Variants in PLPP4 observed in about 807,000 individuals in gnomAD.
PLPP4 encodes the protein phospholipid phosphatase 4.
PLPP4 carries 20 observed loss-of-function variants against 32.2 expected under a neutral mutation model. That is an observed-to-expected ratio of 0.62 (90% CI 0.44 to 0.90). PLPP4 has a LOEUF of 0.90. Ranked by LOEUF, PLPP4 falls within the 40% of genes least tolerant of loss-of-function variation. The probability of loss-of-function intolerance (pLI) is 0.00; values close to 1 mark genes in which losing one functional copy is unlikely to be tolerated. For synonymous variants in PLPP4, 127 were observed against 133.0 expected, an observed-to-expected ratio of 0.95 and a Z score of 0.31; for missense variants, 257 against 353.1, an observed-to-expected ratio of 0.73 and a Z score of 2.18.
At chr10:120,558,099 T>C (rs1210960320) in intron 5 of PLPP4, among the ~76,000 whole-genome samples, 1 of 151,530 alleles carries the variant, frequency 6.6e-6, no homozygotes, top group African/African-American at 2.4e-5. Context: ...AGAGGTTGAA[T>C]TTAACTATAC....
chr10:120,466,094 C>T (rs1370381455), intron 1 of PLPP4, among the ~76,000 whole-genome samples: 1 of 152,098 alleles, frequency 6.6e-6, no homozygotes, highest in African/African-American at 2.4e-5. Flanking sequence ...GATTTGGCCT[C>T]TCTGTCCAGC....
intron 5 of PLPP4, among the ~76,000 whole-genome samples, chr10:120,546,505 A>G (rs570349830): frequency 1.2e-4 from 18 of 152,154 alleles, no homozygotes; most frequent in Non-Finnish European, 2.4e-4. Context: ...TTCCCAAAGC[A>G]TGCTTGAACC....
At chr10:120,473,306 T>C (rs1365095704) in intron 1 of PLPP4, among the ~76,000 whole-genome samples, 1 of 147,352 alleles carries the variant, frequency 6.8e-6, no homozygotes, top group African/African-American at 2.5e-5. Context: ...ATCTATCTTG[T>C]TTTTTTTTTC....
At chr10:120,460,671 G>C (rs1338748804) in intron 1 of PLPP4, among the ~76,000 whole-genome samples, 5 of 152,192 alleles carry the variant, frequency 3.3e-5, no homozygotes. Context: ...GCAGCTCTGA[G>C]ATCTAAATCT....
chr10:120,484,468 G>C (rs1028323689), intron 1 of PLPP4, among the ~76,000 whole-genome samples: 6 of 152,236 alleles, frequency 3.9e-5, no homozygotes, highest in African/African-American at 1.4e-4. Context: ...TCCCATGGCA[G>C]AAGGTGAGAG....
At chr10:120,477,520 C>T (rs1385006765) in intron 1 of PLPP4, among the ~76,000 whole-genome samples, 3 of 152,194 alleles carry the variant, frequency 2.0e-5, no homozygotes, top group African/African-American at 4.8e-5. Flanking sequence ...AAATCACAAA[C>T]TCTTGCCTCT....
chr10:120,500,824 A>G (rs999842572), intron 1 of PLPP4, among the ~76,000 whole-genome samples: 15 of 152,122 alleles, frequency 9.9e-5, no homozygotes, highest in Non-Finnish European at 1.5e-4. Flanking sequence ...TCTTACAAAC[A>G]AGATCATTGA....
intron 5 of PLPP4, among the ~76,000 whole-genome samples, chr10:120,545,330 T>A (rs914173445): frequency 6.6e-6 from 1 of 152,212 alleles, no homozygotes; most frequent in Non-Finnish European, 1.5e-5. Context: ...TCTTTGTCTT[T>A]CTACTACATC....
intron 5 of PLPP4, among the ~76,000 whole-genome samples, chr10:120,541,617 C>G (rs560796050): frequency 6.6e-6 from 1 of 152,268 alleles, no homozygotes; most frequent in South Asian, 2.1e-4. Flanking sequence ...TGGAGTGGTT[C>G]TCATGTCTCC....
chr10:120,529,825 G>A (rs1424193524), intron 5 of PLPP4, among the ~76,000 whole-genome samples: 1 of 152,176 alleles, frequency 6.6e-6, no homozygotes, highest in East Asian at 1.9e-4. Flanking sequence ...CAGGGATTGT[G>A]GCACACACCT....
At chr10:120,509,695 G>T (rs1845649223) in intron 2 of PLPP4, among the ~76,000 whole-genome samples, 1 of 152,078 alleles carries the variant, frequency 6.6e-6, no homozygotes, top group Non-Finnish European at 1.5e-5. Context: ...GTTTTAGTTT[G>T]GTTATTTGTA....
chr10:120,542,703 A>T (rs1847405290), intron 5 of PLPP4, among the ~76,000 whole-genome samples: 1 of 152,182 alleles, frequency 6.6e-6, no homozygotes, highest in South Asian at 2.1e-4. Context: ...CTACATTCTC[A>T]ATTCCGCAGG....
intron 5 of PLPP4, among the ~76,000 whole-genome samples, 181 bp from the exon 6 acceptor site, chr10:120,574,950 A>G (rs1849144930): frequency 7.2e-6 from 1 of 138,002 alleles, no homozygotes; most frequent in Non-Finnish European, 1.6e-5. Context: ...GATTATTCTT[A>G]TGGTTGAAAG....
chr10:120,536,827 A>G (rs1328873632), intron 5 of PLPP4, among the ~76,000 whole-genome samples: 1 of 152,178 alleles, frequency 6.6e-6, no homozygotes, highest in African/African-American at 2.4e-5. Context: ...CCTCAAAAAT[A>G]TATGAAGAAC....
rs537130952 is a variant in PLPP4, at chr10:120,520,562, T to C, written c.321-409T>C. On this transcript the variant is annotated intron_variant, in intron 4 of 6. Coordinates refer to ENST00000398250, the MANE Select transcript of PLPP4 (RefSeq NM_001030059.3). ...AGTAACTTCTAGTCCACAGATGGCA[T>C]GAAGCCTTCCTTTTCACACCTGTCA... Among the ~76,000 whole-genome samples the C allele has an allele frequency of 1.3e-4, 20 of 152,324 alleles. No individual in the cohort carries two copies. In the South Asian group the frequency reaches 3.9e-3, roughly 30 times the overall value.
At chr10:120,496,565 T>G (rs1341470156) in intron 1 of PLPP4, among the ~76,000 whole-genome samples, 1 of 152,202 alleles carries the variant, frequency 6.6e-6, no homozygotes, top group Admixed American at 6.5e-5. Flanking sequence ...TGTGTTCTGA[T>G]GCGTACAAGC....
intron 5 of PLPP4, among the ~76,000 whole-genome samples, chr10:120,528,987 T>C (rs981467170): frequency 1.1e-4 from 16 of 146,128 alleles, no homozygotes; most frequent in East Asian, 4.0e-4. Flanking sequence ...TTTTTTTTTT[T>C]CCCTAATGAT....
intron 5 of PLPP4, among the ~76,000 whole-genome samples, chr10:120,546,350 TC>T (rs1157065824): frequency 1.3e-5 from 2 of 152,098 alleles, no homozygotes. Flanking sequence ...TATAGAGCCT[TC>T]CTGTTCAGTT....
intron 6 of PLPP4, among the ~76,000 whole-genome samples, chr10:120,586,919 G>A (rs1849789454): frequency 6.6e-6 from 1 of 151,978 alleles, no homozygotes; most frequent in South Asian, 2.1e-4. Flanking sequence ...AATATGAATA[G>A]AAATGACATT....
Sources: gnomAD v4.1 joint callset for allele counts (sites outside exome capture counted in the v4.1 genomes callset) on GRCh38, gnomAD v4.1.1 for gene constraint, MANE v1.5 for transcripts, NCBI Gene and HGNC (gene_info 2026-07-23, HGNC 2026-07-21) for gene names.